The following EBF3 variants were observed in gnomAD, a reference collection of about 807,000 sequenced individuals.
EBF3 encodes the protein transcription factor COE3.
A neutral mutation model predicts 77.1 loss-of-function variants in EBF3; 18 were observed. The observed-to-expected ratio is 0.23, with a 90% CI of 0.16 to 0.35. The LOEUF is 0.35. Among genes scored for constraint, EBF3 ranks in the 10% least tolerant of loss-of-function variants. The pLI is 1.00. For synonymous variants in EBF3, 350 were observed against 343.5 expected (o/e 1.02, Z -0.21); for missense variants, 558 against 860.0 (o/e 0.65, Z 4.39).
At position 129,861,681 on chromosome 10, in the gene EBF3, GC is replaced by G. The variant is rs1417548263; in HGVS notation, c.1039+5459del. On this transcript the variant is annotated intron_variant, in intron 10 of 16. Transcript: ENST00000440978. The surrounding 1 kb of genome is among the most constrained non-coding windows in gnomAD (Gnocchi z 4.3). ...AGGAACGAACAGTCAGCCACGGGGG[GC>G]CCCTGGCCACACCACGGGATGATGA... Among the ~76,000 whole-genome samples, 1 of 152,134 alleles carries G rather than the reference GC, an allele frequency of 6.6e-6. No individual in the cohort carries two copies. The highest frequency in any genetic ancestry group is 1.5e-5 in the Non-Finnish European group (1 of 68,016).
chr10:129,898,863 G>GC (rs1564869772), intron 6 of EBF3, among the ~76,000 whole-genome samples: 1 of 152,206 alleles, frequency 6.6e-6, no homozygotes, highest in Non-Finnish European at 1.5e-5. Flanking sequence ...GCCTCCCGCA[G>GC]CAAGGCTGCC....
intron 6 of EBF3, among the ~76,000 whole-genome samples, chr10:129,888,027 T>C (rs1853732811): frequency 6.6e-6 from 1 of 152,208 alleles, no homozygotes; most frequent in Non-Finnish European, 1.5e-5. Flanking sequence ...GTTCAAACTA[T>C]TGATAGGGTA....
At chr10:129,859,573 T>C (rs1851481013) in intron 10 of EBF3, among the ~76,000 whole-genome samples, 1 of 152,226 alleles carries the variant, frequency 6.6e-6, no homozygotes, top group African/African-American at 2.4e-5. Context: ...CTGATTGAAA[T>C]GATAGTTTTG....
chr10:129,890,020 T>G lies in EBF3; in HGVS notation c.555-12171A>C, dbSNP rs1172130052. On this transcript the variant is annotated intron_variant, in intron 6 of 16. Coordinates refer to ENST00000440978, the MANE Select transcript of EBF3 (RefSeq NM_001375380.1). ...CTTCCCTGAGAGTCAAAAGCCCCATTAATTGTTCATGTACCAGAGGTAGTG... is the reference window on the plus strand; with the variant it reads ...CTTCCCTGAGAGTCAAAAGCCCCATGAATTGTTCATGTACCAGAGGTAGTG... Among the ~76,000 whole-genome samples, 6 of 144,594 alleles carry G rather than the reference T, an allele frequency of 4.1e-5. No homozygotes were observed. In the Admixed American group the frequency reaches 4.3e-4, roughly 10 times the overall value. The allele number at this position is 144,594 out of a possible 152,430, so 94.9% of individuals were successfully genotyped here. A position where few individuals can be genotyped will look rare whatever the true frequency, so the allele number is the denominator to read the frequency against.
At position 129,867,213 on chromosome 10, in the gene EBF3, C is replaced by T. The variant is rs375316354; in HGVS notation, c.967G>A (p.Val323Ile). 9.3e-6 allele frequency: 15 copies of T among 1,614,104 alleles called. No homozygotes were observed. Among genetic ancestry groups the T allele is most frequent in the East Asian group, 4.5e-5 (2 of 44,856 alleles). ...VQTPPRHIPG[V>I]VEVTLSYKSK... The stretch of plus-strand genomic sequence containing the variant: ...TTGTAGGAGAGGGTCACTTCGACGA[C>T]GCCAGGAATGTGCCTCGGCGGGGTC... Residue 323 changes from valine (V) to isoleucine (I), a missense_variant, in exon 10 of 17, where the codon GTC (valine) becomes ATC (isoleucine). Physicochemically the swap from Val to Ile is conservative, Grantham distance 29 (BLOSUM62 3). Transcript: ENST00000440978.
intron 10 of EBF3, among the ~76,000 whole-genome samples, chr10:129,853,246 A>G (rs900064448): frequency 1.1e-4 from 16 of 152,214 alleles, no homozygotes; most frequent in African/African-American, 3.6e-4. Flanking sequence ...TTGCCTCTCC[A>G]TTGTTTAAGC....
At chr10:129,873,146 C>T (rs963280859) in intron 8 of EBF3, among the ~76,000 whole-genome samples, 4 of 152,098 alleles carry the variant, frequency 2.6e-5, no homozygotes, top group Admixed American at 1.3e-4. Context: ...TGGGCGCTTC[C>T]GACAAACCAA....
At chr10:129,921,120 G>A (rs534929968) in intron 6 of EBF3, among the ~76,000 whole-genome samples, 4 of 152,328 alleles carry the variant, frequency 2.6e-5, no homozygotes, top group African/African-American at 7.2e-5. Context: ...AGAAAACAGC[G>A]AGTTTGAGCG....
At chr10:129,873,789 T>C (rs1389067217) in intron 7 of EBF3, among the ~76,000 whole-genome samples, 193 bp from the exon 8 acceptor site, 1 of 152,232 alleles carries the variant, frequency 6.6e-6, no homozygotes, top group Non-Finnish European at 1.5e-5. Flanking sequence ...TTGTTTTGTT[T>C]TGACTCAAGA....
intron 6 of EBF3, among the ~76,000 whole-genome samples, chr10:129,895,242 T>A (rs995696845): frequency 2.0e-5 from 3 of 152,172 alleles, no homozygotes; most frequent in Non-Finnish European, 2.9e-5. Flanking sequence ...CCAGCAGGAG[T>A]TTGGGAAGCC....
intron 10 of EBF3, among the ~76,000 whole-genome samples, chr10:129,854,834 T>C (rs964356734): frequency 6.6e-6 from 1 of 152,266 alleles, no homozygotes; most frequent in Non-Finnish European, 1.5e-5. Flanking sequence ...GGCATTGTGG[T>C]GTGCACGGGA....
Position 129,948,185 on chromosome 10 carries a change from G to A in EBF3, c.554+9073C>T, listed in dbSNP as rs151076811. 2.6e-4 allele frequency among the ~76,000 whole-genome samples: 38 copies of A among 147,932 alleles called. No individual in the cohort carries two copies. In the East Asian group the frequency reaches 7.7e-3, roughly 30 times the overall value. Reference sequence around the variant, plus strand: ...AGGCAGAAGAATCACTTGAACCTGGGAGAAGGAGGTTGCAGTGAGCCAAGA... The same window carrying A: ...AGGCAGAAGAATCACTTGAACCTGGAAGAAGGAGGTTGCAGTGAGCCAAGA... On this transcript the variant is annotated intron_variant, in intron 6 of 16. Coordinates refer to ENST00000440978, the MANE Select transcript of EBF3 (RefSeq NM_001375380.1).
chr10:129,858,872 G>GA, intron 10 of EBF3, among the ~76,000 whole-genome samples: 1 of 152,268 alleles, frequency 6.6e-6, no homozygotes, highest in East Asian at 1.9e-4. Flanking sequence ...GAAAGGAAAG[G>GA]AAGAAAAGAA....
At chr10:129,895,057 C>A (rs183210481) in intron 6 of EBF3, among the ~76,000 whole-genome samples, 2 of 152,316 alleles carry the variant, frequency 1.3e-5, no homozygotes, top group Admixed American at 1.3e-4. Context: ...GCATGCGGAA[C>A]GGGGACAGTA....
intron 6 of EBF3, among the ~76,000 whole-genome samples, chr10:129,954,356 A>G (rs541129802): frequency 6.6e-6 from 1 of 152,326 alleles, no homozygotes; most frequent in Non-Finnish European, 1.5e-5. Flanking sequence ...AACAGTTAAC[A>G]TAAGTGAAAC....
chr10:129,854,224 A>G (rs186048332), intron 10 of EBF3, among the ~76,000 whole-genome samples: 5 of 152,286 alleles, frequency 3.3e-5, no homozygotes, highest in East Asian at 1.9e-4. Flanking sequence ...CATTTCATCT[A>G]TAAGAAATTC....
chr10:129,939,329 C>A (rs1857569311), intron 6 of EBF3, among the ~76,000 whole-genome samples: 1 of 152,184 alleles, frequency 6.6e-6, no homozygotes, highest in Non-Finnish European at 1.5e-5. Context: ...ATACGAAGGA[C>A]AGGGTGAAAT....
At chr10:129,918,564 A>G (rs761867864) in intron 6 of EBF3, among the ~76,000 whole-genome samples, 14 of 152,154 alleles carry the variant, frequency 9.2e-5, no homozygotes, top group Non-Finnish European at 1.9e-4. Context: ...CCTCCGCACC[A>G]CCAACCTGCG....
intron 6 of EBF3, among the ~76,000 whole-genome samples, chr10:129,940,129 G>C (rs1857630872): frequency 6.6e-6 from 1 of 152,218 alleles, no homozygotes. Context: ...GCACACATCT[G>C]CACTGCCATG....
Sources: allele counts gnomAD v4.1 joint callset (sites outside exome capture counted in the v4.1 genomes callset), GRCh38; gene constraint gnomAD v4.1.1; non-coding constraint Gnocchi (gnomAD v3.1); transcripts MANE v1.5; gene names NCBI Gene and HGNC (gene_info 2026-07-23, HGNC 2026-07-21).